The following SPATA16 variants were observed in gnomAD, a reference collection of about 807,000 sequenced individuals.
SPATA16 encodes the protein spermatogenesis associated 16.
A neutral mutation model predicts 63.3 loss-of-function variants in SPATA16; 36 were observed. The observed-to-expected ratio is 0.57, with a 90% CI of 0.44 to 0.75. SPATA16 has a LOEUF of 0.75. SPATA16 is among the 30% of genes least tolerant of loss of function. The pLI, the probability that SPATA16 is intolerant of heterozygous loss-of-function variation, is 0.00. For synonymous variants in SPATA16, 203 were observed against 216.7 expected, an observed-to-expected ratio of 0.94 and a Z score of 0.56; for missense variants, 646 against 679.3, an observed-to-expected ratio of 0.95 and a Z score of 0.54.
intron 2 of SPATA16, among the ~76,000 whole-genome samples, chr3:173,072,214 C>T (rs1330482469): frequency 1.3e-5 from 2 of 152,116 alleles, no homozygotes; most frequent in African/African-American, 2.4e-5. Context: ...ACATGTATGT[C>T]GTGGAATATA....
chr3:172,966,227 C>A (rs1236247013), intron 5 of SPATA16, among the ~76,000 whole-genome samples: 1 of 152,188 alleles, frequency 6.6e-6, no homozygotes, highest in Non-Finnish European at 1.5e-5. Flanking sequence ...AAGAGACCTG[C>A]CACTATACTA....
intron 5 of SPATA16, among the ~76,000 whole-genome samples, chr3:172,971,907 G>A (rs761866744): frequency 6.6e-6 from 1 of 152,100 alleles, no homozygotes; most frequent in African/African-American, 2.4e-5. Flanking sequence ...TAAAGAGAAG[G>A]AGTTGTAAAA....
chr3:172,938,625 T>C (rs554281563), intron 6 of SPATA16, among the ~76,000 whole-genome samples: 3 of 152,218 alleles, frequency 2.0e-5, no homozygotes, highest in East Asian at 1.9e-4. Flanking sequence ...GAGAAAAATA[T>C]CTTGAGTTTC....
intron 2 of SPATA16, among the ~76,000 whole-genome samples, chr3:173,056,023 G>A (rs964838595): frequency 2.6e-5 from 4 of 152,146 alleles, no homozygotes; most frequent in Admixed American, 6.5e-5. Flanking sequence ...AGGATAAATC[G>A]TATCTAAAGG....
At chr3:172,892,436 A>G (rs950805727) in intron 10 of SPATA16, among the ~76,000 whole-genome samples, 2 of 152,230 alleles carry the variant, frequency 1.3e-5, no homozygotes, top group African/African-American at 4.8e-5. Context: ...CTCACATCAG[A>G]GCCAAGTAGT....
intron 2 of SPATA16, among the ~76,000 whole-genome samples, chr3:173,111,322 A>G (rs1206625472): frequency 6.6e-6 from 1 of 152,154 alleles, no homozygotes; most frequent in East Asian, 1.9e-4. Context: ...AGGCAGGAGA[A>G]TCACTTGAAC....
intron 4 of SPATA16, among the ~76,000 whole-genome samples, chr3:173,018,476 A>G (rs977805990): frequency 5.3e-5 from 8 of 151,962 alleles, no homozygotes; most frequent in Admixed American, 6.6e-5. Flanking sequence ...GGGTTTCTTC[A>G]TGTTGGTCAG....
intron 5 of SPATA16, among the ~76,000 whole-genome samples, chr3:172,960,891 C>CTT (rs1553786252): frequency 1.2e-5 from 1 of 81,098 alleles, no homozygotes; most frequent in Admixed American, 1.2e-4. Context: ...CTTTCTCTCT[C>CTT]TCCTTCCTTC....
chr3:172,913,853 A>T (rs968456646), intron 9 of SPATA16, 109 bp from the exon 10 acceptor site: 1 of 936,980 alleles, frequency 1.1e-6, no homozygotes, highest in African/African-American at 1.6e-5. Context: ...TGATGATTTT[A>T]TTACTCATCT....
chr3:173,115,969 T>C (rs1737888804), intron 2 of SPATA16, among the ~76,000 whole-genome samples: 3 of 151,882 alleles, frequency 2.0e-5, no homozygotes, highest in African/African-American at 7.3e-5. Flanking sequence ...TATAGCACAC[T>C]GCACTCTCGA....
At chr3:173,015,173 C>G (rs770153026) in intron 4 of SPATA16, among the ~76,000 whole-genome samples, 1 of 151,734 alleles carries the variant, frequency 6.6e-6, no homozygotes, top group Non-Finnish European at 1.5e-5. Context: ...AAGTGATTCT[C>G]CAGCCTCAGC....
chr3:173,020,884 G>T (rs1385973515), intron 3 of SPATA16, among the ~76,000 whole-genome samples: 10 of 152,182 alleles, frequency 6.6e-5, no homozygotes, highest in Non-Finnish European at 1.2e-4. Context: ...GAATCACTTG[G>T]AATTAGTTCA....
At chr3:172,988,278 C>G (rs1201624674) in intron 4 of SPATA16, among the ~76,000 whole-genome samples, 2 of 152,020 alleles carry the variant, frequency 1.3e-5, no homozygotes, top group Non-Finnish European at 2.9e-5. Context: ...AATGTTTTGC[C>G]AATGAAATAA....
intron 1 of SPATA16, among the ~76,000 whole-genome samples, chr3:173,139,574 T>TG (rs1311063546): frequency 6.6e-6 from 1 of 152,180 alleles, no homozygotes; most frequent in African/African-American, 2.4e-5. Flanking sequence ...CTACAATTGT[T>TG]GGGGTACCTA....
intron 2 of SPATA16, among the ~76,000 whole-genome samples, chr3:173,088,299 GCTCT>G (rs1737135811): frequency 1.3e-5 from 2 of 151,794 alleles, no homozygotes; most frequent in South Asian, 4.2e-4. Flanking sequence ...TGGCCAGGAT[GCTCT>G]CTATCTCTTG....
chr3:173,117,547 C>G lies in SPATA16; in HGVS notation c.185G>C (p.Arg62Thr). ...TTTGATGCCCTTTGTCATTTTTGTT[C>G]TTTCAAGTGTGATTTCTACCTGTTT... is the stretch of plus-strand genomic sequence containing the variant. ...GGKQVEITLE[R>T]TKMTKGIKEK... Residue 62 changes from arginine to threonine, a missense_variant, in exon 2 of 11, where the codon AGA (arginine) becomes ACA (threonine). Physicochemically the swap from Arg to Thr is moderately conservative, Grantham distance 71. Transcript: ENST00000351008. 6.2e-7 allele frequency: 1 copy of G among 1,614,010 alleles called. No homozygotes were observed. Among genetic ancestry groups the G allele is most frequent in the Non-Finnish European group, 8.5e-7 (1 of 1,179,978 alleles).
In SPATA16 at chr3:172,933,875, T is replaced by A. The variant is rs1732922917; in HGVS notation, c.1082-8383A>T. On this transcript the variant is annotated intron_variant, in intron 6 of 10. Coordinates refer to ENST00000351008, the MANE Select transcript of SPATA16 (RefSeq NM_031955.6). ...TAGGATCCTTACTATAGATGAGATG[T>A]AAGACAGAGATGAAACTGTCATGTT... is the stretch of plus-strand genomic sequence containing the variant. 4.6e-5 allele frequency among the ~76,000 whole-genome samples: 7 copies of A among 152,286 alleles called. No individual in the cohort carries two copies. In the South Asian group the frequency reaches 1.5e-3, roughly 32 times the overall value.
At chr3:173,000,861 A>G (rs1390436065) in intron 4 of SPATA16, among the ~76,000 whole-genome samples, 1 of 151,098 alleles carries the variant, frequency 6.6e-6, no homozygotes, top group Non-Finnish European at 1.5e-5. Flanking sequence ...AGTGTTTTTG[A>G]TCTCTAGAAT....
At chr3:173,094,524 T>G (rs916926950) in intron 2 of SPATA16, among the ~76,000 whole-genome samples, 1 of 152,218 alleles carries the variant, frequency 6.6e-6, no homozygotes, top group Non-Finnish European at 1.5e-5. Context: ...CTAGAAAATT[T>G]AGAATCAGGG....
Sources: gnomAD v4.1 joint callset for allele counts (sites outside exome capture counted in the v4.1 genomes callset) on GRCh38, gnomAD v4.1.1 for gene constraint, MANE v1.5 for transcripts, NCBI Gene and HGNC (gene_info 2026-07-23, HGNC 2026-07-21) for gene names.